Variants in NUCB2 observed in about 807,000 individuals in gnomAD.
NUCB2 encodes the protein nucleobindin 2, also known as nucleobindin-2.
Under a neutral mutation model 57.9 loss-of-function variants are expected in NUCB2, and 48 were observed. That is an observed-to-expected ratio of 0.83 (90% confidence interval 0.66 to 1.05). The LOEUF is 1.05. Among genes scored for constraint, NUCB2 ranks in the 50% least tolerant of loss-of-function variants. The pLI, the probability that NUCB2 is intolerant of heterozygous loss-of-function variation, is 0.00. For missense variants in NUCB2, 442 were observed against 476.2 expected (o/e 0.93, Z 0.67); for synonymous variants, 139 against 152.1 (o/e 0.91, Z 0.64).
rs949785649 is a variant in NUCB2 at position 17,302,019 on chromosome 11, C to T, written c.379+149C>T. ...GGCTCAAGTGATCCTCCCATCTCAA[C>T]CTCCTGAGTAGCTGAGACCACAGGT... On this transcript the variant is annotated intron_variant, in intron 5 of 13. Transcript: ENST00000529010. The T allele has an allele frequency of 9.9e-6, 6 of 606,206 alleles. No homozygotes were observed. In the Admixed American group the frequency reaches 1.9e-4, roughly 19 times the overall value. The allele number at this position is 606,206 out of a possible 1,614,324, so 37.6% of individuals were successfully genotyped here. A position where few individuals can be genotyped will look rare whatever the true frequency, so the allele number is the denominator to read the frequency against.
Position 17,309,227 on chromosome 11 carries a change from G to T in NUCB2, c.380-345G>T, listed in dbSNP as rs1948129890. Among the ~76,000 whole-genome samples, 3 of 152,184 alleles carry T rather than the reference G, an allele frequency of 2.0e-5. No individual in the cohort carries two copies. In the South Asian group the frequency reaches 6.2e-4, roughly 32 times the overall value. ...TCCTAGCTACTTAGGAAGCTGAGGT[G>T]GGAGGATTGCTTGAGCCCAGGAGGT... On this transcript the variant is annotated intron_variant, in intron 5 of 13. Transcript: ENST00000529010.
intron 2 of NUCB2, among the ~76,000 whole-genome samples, chr11:17,288,880 T>C (rs1244784842): frequency 7.8e-4 from 53 of 67,536 alleles, no homozygotes; most frequent in African/African-American, 2.7e-3. Context: ...ATAACATGTA[T>C]ATACACACAC....
At chr11:17,285,418 A>C (rs947250354) in intron 2 of NUCB2, among the ~76,000 whole-genome samples, 14 of 152,084 alleles carry the variant, frequency 9.2e-5, no homozygotes, top group Admixed American at 7.9e-4. Flanking sequence ...ACTAAAAAAA[A>C]CACAAAAAAT....
At chr11:17,335,174 A>G (rs895954177), downstream of NUCB2, among the ~76,000 whole-genome samples, 1 of 152,126 alleles carries the variant, frequency 6.6e-6, no homozygotes, top group Non-Finnish European at 1.5e-5. Context: ...GAATATCTCT[A>G]TTGCTTAAAT....
intron 10 of NUCB2, among the ~76,000 whole-genome samples, chr11:17,312,882 T>C (rs1591453141): frequency 6.6e-6 from 1 of 151,500 alleles, no homozygotes; most frequent in Non-Finnish European, 1.5e-5. Flanking sequence ...GATTTTTTTA[T>C]TTTTAGTAGA....
At chr11:17,329,237 C>T (rs1951077202) in intron 11 of NUCB2, among the ~76,000 whole-genome samples, 1 of 152,204 alleles carries the variant, frequency 6.6e-6, no homozygotes, top group African/African-American at 2.4e-5. Flanking sequence ...CCACAAGCTG[C>T]ACTGCCTGAG....
rs1948393980 is a variant in NUCB2 at position 17,310,922 on chromosome 11, C to T, written c.581C>T (p.Thr194Ile). The change falls in exon 7 of 14, where the codon ACA becomes ATA. Residue 194 changes from threonine (T) to isoleucine (I), a missense_variant. By Grantham distance (89) the Thr-to-Ile change is moderately conservative. Coordinates refer to ENST00000529010, the MANE Select transcript of NUCB2 (RefSeq NM_005013.4). ...CATGAAAGGAGAGAATATTTAAAAA[C>T]ATTGAATGAAGAAAAGAGAAAAGAA... ...KEHERREYLK[T>I]LNEEKRKEEE... is the part of the protein sequence containing the mutation. 2 of 1,588,974 alleles carry T rather than the reference C, an allele frequency of 1.3e-6. No homozygotes were observed. The highest frequency in any genetic ancestry group is 1.7e-6 in the Non-Finnish European group (2 of 1,170,378).
rs377021324 is a variant in NUCB2 at position 17,310,963 on chromosome 11, G to C, written c.622G>C (p.Glu208Gln). Residue 208 changes from glutamate (E) to glutamine (Q), a missense_variant, in exon 7 of 14, where the codon GAA becomes CAA. Glu to Gln is a conservative substitution (Grantham distance 29). Transcript: ENST00000529010. ...EKRKEEESKF[E>Q]EMKKKHENHP... ...GAGAAAAGAAGAAGAGTCTAAATTT[G>C]AAGAAATGAAGAAAAAGCATGAAAA... 3.2e-6 allele frequency: 5 copies of C among 1,583,904 alleles called. No individual in the cohort carries two copies. The African/African-American group carries it at 6.9e-5, about 22-fold the overall frequency.
At chr11:17,278,880 G>A (rs767188160) in intron 1 of NUCB2, among the ~76,000 whole-genome samples, 3 of 152,112 alleles carry the variant, frequency 2.0e-5, no homozygotes, top group Non-Finnish European at 4.4e-5. Flanking sequence ...GCAAGTGCAG[G>A]ATTTAAAAAT....
intron 2 of NUCB2, among the ~76,000 whole-genome samples, chr11:17,339,259 A>AT (rs1257836949): frequency 6.6e-6 from 1 of 152,122 alleles, no homozygotes; most frequent in African/African-American, 2.4e-5. Flanking sequence ...AAGTGCTGGG[A>AT]TTACAGGTGT....
At chr11:17,318,544 C>A (rs1156347181) in intron 11 of NUCB2, among the ~76,000 whole-genome samples, 2 of 151,864 alleles carry the variant, frequency 1.3e-5, no homozygotes, top group East Asian at 3.9e-4. Flanking sequence ...AGGGTAGATT[C>A]TCAATGTAGC....
At chr11:17,317,974 CTTTT>C (rs35264082) in intron 11 of NUCB2, among the ~76,000 whole-genome samples, 6 of 109,928 alleles carry the variant, frequency 5.5e-5, no homozygotes, top group Non-Finnish European at 1.1e-4. Context: ...AAGAAGTCAG[CTTTT>C]TTTTTTTTTT....
chr11:17,331,572 G>C lies in NUCB2; in HGVS notation c.*153G>C. 1 of 444,578 alleles carries C rather than the reference G, an allele frequency of 2.2e-6. No homozygotes were observed. The highest frequency in any genetic ancestry group is 3.9e-6 in the Non-Finnish European group (1 of 254,416). The allele number at this position is 444,578 out of a possible 1,614,324, so 27.5% of individuals were successfully genotyped here. On this transcript the variant is annotated 3_prime_UTR_variant, in exon 14 of 14. Coordinates refer to ENST00000529010, the MANE Select transcript of NUCB2 (RefSeq NM_005013.4). ...TTTTAAATGAAAACACTTTTTTTGG[G>C]ACACAGATATTAAAGGATTGAAGTT...
intron 2 of NUCB2, among the ~76,000 whole-genome samples, chr11:17,288,575 G>T (rs2138153551): frequency 2.9e-5 from 1 of 34,680 alleles, no homozygotes; most frequent in Non-Finnish European, 5.0e-5. Flanking sequence ...TTTTGAGACA[G>T]TCTCATTCTG....
chr11:17,326,205 G>A (rs541850884), intron 11 of NUCB2, among the ~76,000 whole-genome samples: 77 of 151,466 alleles, frequency 5.1e-4, no homozygotes, highest in African/African-American at 1.7e-3. Flanking sequence ...TCTCCATGTT[G>A]GTCAGGCTGG....
chr11:17,285,406 T>G (rs973100109), intron 2 of NUCB2, among the ~76,000 whole-genome samples: 3 of 151,788 alleles, frequency 2.0e-5, no homozygotes, highest in African/African-American at 7.3e-5. Context: ...AACCCTGTCT[T>G]TACTAAAAAA....
chr11:17,328,455 A>G (rs1950967917), intron 11 of NUCB2, among the ~76,000 whole-genome samples: 1 of 151,862 alleles, frequency 6.6e-6, no homozygotes, highest in African/African-American at 2.4e-5. Context: ...GGAGTAAAAA[A>G]CCCTAGCAAT....
rs996806318 is a variant in NUCB2 at position 17,331,804 on chromosome 11, G to C, written c.*385G>C. 1.2e-5 allele frequency: 2 copies of C among 168,794 alleles called. No individual in the cohort carries two copies. Among genetic ancestry groups the C allele is most frequent in the Non-Finnish European group, 2.5e-5 (2 of 79,530 alleles). 10.5% of individuals were successfully genotyped at this position (168,794 alleles called of 1,614,324 possible). ...TTGCTCTCACTTACTCGTAAACATAGGTATTCTTTTATGGGTGCTTATCAT... is the reference window on the plus strand; with the variant it reads ...TTGCTCTCACTTACTCGTAAACATACGTATTCTTTTATGGGTGCTTATCAT... On this transcript the variant is annotated 3_prime_UTR_variant, in exon 14 of 14. Coordinates refer to ENST00000529010, the MANE Select transcript of NUCB2 (RefSeq NM_005013.4).
chr11:17,279,058 TGGCG>T (rs1316124420), intron 1 of NUCB2, among the ~76,000 whole-genome samples: 1 of 152,122 alleles, frequency 6.6e-6, no homozygotes, highest in Non-Finnish European at 1.5e-5. Context: ...CCAGACGTAG[TGGCG>T]GGCATCTGTA....
Sources: allele counts gnomAD v4.1 joint callset (sites outside exome capture counted in the v4.1 genomes callset), GRCh38; gene constraint gnomAD v4.1.1; transcripts MANE v1.5; gene names NCBI Gene and HGNC (gene_info 2026-07-23, HGNC 2026-07-21).